Variants in NALF1 observed in about 807,000 individuals in gnomAD.
The protein encoded by NALF1 is NALCN channel auxiliary factor 1.
Under a neutral mutation model 48.4 loss-of-function variants are expected in NALF1, and 3 were observed. The observed-to-expected ratio is 0.06, with a 90% CI of 0.03 to 0.16. The LOEUF is 0.16. Ranked by LOEUF, NALF1 falls within the 10% of genes least tolerant of loss-of-function variation. NALF1 has a pLI of 1.00. For synonymous variants in NALF1, 262 were observed against 245.7 expected (o/e 1.07, Z -0.62); for missense variants, 526 against 571.5 (o/e 0.92, Z 0.81).
chr13:107,618,761 T>C (rs924451217), intron 1 of NALF1, among the ~76,000 whole-genome samples: 11 of 152,142 alleles, frequency 7.2e-5, no homozygotes, highest in African/African-American at 2.2e-4. Context: ...CAGTGTCATT[T>C]AGGGATACGA....
chr13:107,813,904 T>C (rs533770958), intron 1 of NALF1, among the ~76,000 whole-genome samples: 33 of 150,900 alleles, frequency 2.2e-4, no homozygotes, highest in Non-Finnish European at 4.7e-4. Context: ...GCTATCATTG[T>C]TTAACTATTC....
At chr13:107,844,310 A>G (rs1311998630) in intron 1 of NALF1, among the ~76,000 whole-genome samples, 1 of 152,166 alleles carries the variant, frequency 6.6e-6, no homozygotes, top group Admixed American at 6.6e-5. Context: ...AACTAATAAT[A>G]AAAAACACAA....
intron 1 of NALF1, among the ~76,000 whole-genome samples, chr13:107,473,501 T>C (rs140675285): frequency 9.3e-4 from 142 of 152,310 alleles, no homozygotes; most frequent in African/African-American, 2.9e-3. Context: ...TACAGTTATA[T>C]TGTAATATAA....
In NALF1 at chr13:107,866,157, C is replaced by T. The variant is rs200446308; in HGVS notation, c.440G>A (p.Arg147Gln). Residue 147 changes from arginine (R) to glutamine (Q), a missense_variant, in exon 1 of 3, where the codon CGA becomes CAA. Physicochemically the swap from Arg to Gln is conservative, Grantham distance 43 (BLOSUM62 1). This residue lies in a region of NALF1 where 373 missense variants were observed against 355.5 expected (regional missense o/e 1.05). Transcript: ENST00000375915. The surrounding 1 kb of genome is among the most constrained non-coding windows in gnomAD (Gnocchi z 4.4). ...DGGGGGGKGN[R>Q]GKDDRGKALF... ...AGCCTTGCCCCGGTCGTCTTTGCCT[C>T]GGTTGCCCTTGCCGCCGCCGCCGCC... 42 of 1,608,114 alleles carry T rather than the reference C, an allele frequency of 2.6e-5. No individual in the cohort carries two copies. The highest frequency in any genetic ancestry group is 5.3e-5 in the African/African-American group (4 of 74,790).
intron 1 of NALF1, among the ~76,000 whole-genome samples, chr13:107,827,798 A>G (rs1380621833): frequency 6.6e-6 from 1 of 152,202 alleles, no homozygotes; most frequent in Non-Finnish European, 1.5e-5. Flanking sequence ...TTGTCAATGT[A>G]GTACTGAATT....
chr13:107,359,549 T>A (rs2138953318), intron 1 of NALF1, among the ~76,000 whole-genome samples: 1 of 152,176 alleles, frequency 6.6e-6, no homozygotes, highest in African/African-American at 2.4e-5. Flanking sequence ...ATTACAAAAA[T>A]TATAAAGTTT....
intron 1 of NALF1, among the ~76,000 whole-genome samples, chr13:107,415,243 A>G (rs1033434013): frequency 6.6e-6 from 1 of 152,168 alleles, no homozygotes; most frequent in East Asian, 1.9e-4. Flanking sequence ...TTTTATTATG[A>G]CGCTGAGGAA....
At chr13:107,577,857 G>A (rs140973332) in intron 1 of NALF1, among the ~76,000 whole-genome samples, 5 of 151,986 alleles carry the variant, frequency 3.3e-5, no homozygotes, top group Admixed American at 6.6e-5. Flanking sequence ...TTCCTTCATC[G>A]CTTGAGTGGG....
intron 1 of NALF1, among the ~76,000 whole-genome samples, chr13:107,262,769 G>GCTCTCTCTCTCTCTCTCTCTCT (rs1555329321): frequency 1.3e-3 from 191 of 144,094 alleles, no homozygotes; most frequent in African/African-American, 4.4e-3. Context: ...ACCCACAGGC[G>GCTCTCTCTCTCTCTCTCTCTCT]CTCTCTCTCT....
intron 1 of NALF1, among the ~76,000 whole-genome samples, chr13:107,630,909 T>A (rs952701769): frequency 6.6e-6 from 1 of 152,210 alleles, no homozygotes; most frequent in Admixed American, 6.5e-5. Flanking sequence ...GCCTTTTTAA[T>A]CTAGGGACCT....
chr13:107,726,909 A>G (rs1187591512), intron 1 of NALF1, among the ~76,000 whole-genome samples: 1 of 119,498 alleles, frequency 8.4e-6, no homozygotes, highest in African/African-American at 3.5e-5. Flanking sequence ...CGGCCGGCAA[A>G]TTCTTGTGTG....
At chr13:107,769,727 T>A (rs1223714905) in intron 1 of NALF1, among the ~76,000 whole-genome samples, 1 of 151,498 alleles carries the variant, frequency 6.6e-6, no homozygotes, top group Non-Finnish European at 1.5e-5. Context: ...CAGGTTTTAG[T>A]CCTAAAAAAA....
intron 1 of NALF1, among the ~76,000 whole-genome samples, chr13:107,546,722 T>C (rs978950500): frequency 6.6e-6 from 1 of 152,192 alleles, no homozygotes; most frequent in Non-Finnish European, 1.5e-5. Context: ...ACTGATGTAG[T>C]ATATCAGTAA....
chr13:107,236,671 G>GTCTGTCTATCTATCTATCTA, intron 1 of NALF1, among the ~76,000 whole-genome samples: 1 of 140,720 alleles, frequency 7.1e-6, no homozygotes, highest in East Asian at 2.2e-4. Flanking sequence ...CCATCTGTCT[G>GTCTGTCTATCTATCTATCTA]TCTATCTATC....
intron 1 of NALF1, among the ~76,000 whole-genome samples, chr13:107,512,036 G>T (rs1478969169): frequency 2.6e-5 from 4 of 152,164 alleles, no homozygotes; most frequent in African/African-American, 9.6e-5. Flanking sequence ...TGGTTGGTTG[G>T]TTCACTTCTC....
chr13:107,532,965 T>C (rs1374027745), intron 1 of NALF1, among the ~76,000 whole-genome samples: 3 of 152,048 alleles, frequency 2.0e-5, no homozygotes, highest in African/African-American at 4.8e-5. Context: ...CATTAACATA[T>C]TAAAAATGAT....
intron 1 of NALF1, among the ~76,000 whole-genome samples, chr13:107,566,274 C>T (rs1474919455): frequency 1.3e-5 from 2 of 152,144 alleles, no homozygotes; most frequent in South Asian, 2.1e-4. Context: ...AATAAGGTAA[C>T]CTGCCAGCAT....
chr13:107,575,945 ATGTGTATGTGTGTGTTGGG>A (rs1466650199), intron 1 of NALF1, among the ~76,000 whole-genome samples: 1 of 148,656 alleles, frequency 6.7e-6, no homozygotes, highest in African/African-American at 2.5e-5. Flanking sequence ...ATGTGTGTGT[ATGTGTATGTGTGTGTTGGG>A]TGTGTGTGTG....
intron 1 of NALF1, among the ~76,000 whole-genome samples, chr13:107,300,775 T>C (rs984613790): frequency 2.0e-5 from 3 of 152,188 alleles, no homozygotes; most frequent in Admixed American, 2.0e-4. Flanking sequence ...AAATGTCTAA[T>C]ATCCATGAAG....
Sources: gnomAD v4.1 joint callset for allele counts (sites outside exome capture counted in the v4.1 genomes callset) on GRCh38, gnomAD v4.1.1 for gene constraint, gnomAD v4.1.1 regional missense constraint, Gnocchi (gnomAD v3.1) non-coding constraint, MANE v1.5 for transcripts, NCBI Gene and HGNC (gene_info 2026-07-23, HGNC 2026-07-21) for gene names.